The following HABP4 variants were observed in gnomAD, a reference collection of about 807,000 sequenced individuals.
The protein encoded by HABP4 is hyaluronan binding protein 4, also known as intracellular hyaluronan-binding protein 4.
In HABP4, 32 loss-of-function variants were observed where a neutral mutation model predicts 44.1. The ratio of observed to expected loss-of-function variants is 0.73; its 90% CI spans 0.55 to 0.97. HABP4 has a LOEUF of 0.97. Among genes scored for constraint, HABP4 ranks in the 50% least tolerant of loss-of-function variants. HABP4 has a pLI of 0.00. For synonymous variants in HABP4, 216 were observed against 218.0 expected, an observed-to-expected ratio of 0.99 and a Z score of 0.08; for missense variants, 503 against 561.9, an observed-to-expected ratio of 0.90 and a Z score of 1.06.
intron 1 of HABP4, among the ~76,000 whole-genome samples, chr9:96,454,143 C>T (rs973514008): frequency 1.3e-5 from 2 of 151,886 alleles, no homozygotes; most frequent in African/African-American, 2.4e-5. Context: ...CCAAATTTGA[C>T]GCAATTAAAA....
chr9:96,458,655 C>T (rs1314987892), intron 2 of HABP4, 114 bp downstream of exon 2: 1 of 703,438 alleles, frequency 1.4e-6, no homozygotes, highest in Admixed American at 2.9e-5. Context: ...GACAGTTTCG[C>T]TCTTGTCGCC....
chr9:96,464,892 C>G lies in HABP4; in HGVS notation c.513-445C>G, dbSNP rs558471514. On this transcript the variant is annotated intron_variant, in intron 2 of 7. Transcript: ENST00000375249. ...ACCATTTTTCTTACACAAAACATTC[C>G]AAATTTAACTTAAAGATTTGGTATT... is the stretch of plus-strand genomic sequence containing the variant. Among the ~76,000 whole-genome samples the G allele has an allele frequency of 5.3e-5, 8 of 152,246 alleles. No individual in the cohort carries two copies. The East Asian group carries it at 1.5e-3, about 29-fold the overall frequency.
chr9:96,483,098 C>T (rs1222089662), intron 5 of HABP4: 1 of 152,228 alleles, frequency 6.6e-6, no homozygotes, highest in Non-Finnish European at 1.5e-5. Context: ...CACCATTTCA[C>T]ATTCCCACTG....
At chr9:96,476,560 A>G (rs1020312762) in intron 5 of HABP4, among the ~76,000 whole-genome samples, 2 of 152,362 alleles carry the variant, frequency 1.3e-5, no homozygotes, top group Non-Finnish European at 2.9e-5. Context: ...GAATTACTCA[A>G]AAATGGGGGT....
intron 5 of HABP4, among the ~76,000 whole-genome samples, chr9:96,479,314 G>C (rs1832837454): frequency 6.6e-6 from 1 of 151,852 alleles, no homozygotes; most frequent in Non-Finnish European, 1.5e-5. Flanking sequence ...ATGTCGAGGA[G>C]GGAGATGAGT....
Position 96,450,434 on chromosome 9 carries a change from A to G in HABP4, c.155A>G (p.Gln52Arg). The G allele has an allele frequency of 7.4e-7, 1 of 1,348,358 alleles. No individual in the cohort carries two copies. Among genetic ancestry groups the G allele is most frequent in the Non-Finnish European group, 9.7e-7 (1 of 1,033,554 alleles). 83.5% of individuals were successfully genotyped at this position (1,348,358 alleles called of 1,614,324 possible). Reference sequence around the variant, plus strand: ...GAGGCCGAGCGCCGGCGCCAGCAGCAGCTGCAGCGCAAGAGGCGCGACGAG... The same window carrying G: ...GAGGCCGAGCGCCGGCGCCAGCAGCGGCTGCAGCGCAAGAGGCGCGACGAG... ...LREAERRRQQ[Q>R]LQRKRRDEAA... is the part of the protein sequence containing the mutation. Residue 52 changes from glutamine (Q) to arginine (R), a missense_variant, in exon 1 of 8, where the codon CAG (glutamine) becomes CGG (arginine). Transcript: ENST00000375249. This position sits in a 1 kb window ranked among gnomAD's most constrained non-coding sequence, Gnocchi z 4.8.
chr9:96,479,797 C>T (rs1319288939), intron 5 of HABP4, among the ~76,000 whole-genome samples: 1 of 152,166 alleles, frequency 6.6e-6, no homozygotes, highest in African/African-American at 2.4e-5. Flanking sequence ...AGACAGGAGC[C>T]ACCGTGCCCA....
At chr9:96,454,085 G>A (rs1023096214) in intron 1 of HABP4, among the ~76,000 whole-genome samples, 4 of 152,106 alleles carry the variant, frequency 2.6e-5, no homozygotes, top group African/African-American at 9.7e-5. Context: ...GTTGGAAAAG[G>A]CTTTAATATG....
intron 5 of HABP4, among the ~76,000 whole-genome samples, chr9:96,474,135 C>T (rs1314846580): frequency 6.6e-6 from 1 of 152,028 alleles, no homozygotes; most frequent in Non-Finnish European, 1.5e-5. Flanking sequence ...AGTGAAAGGC[C>T]ACAGTGATTG....
chr9:96,478,467 C>A (rs764108382), intron 5 of HABP4, among the ~76,000 whole-genome samples: 44 of 152,118 alleles, frequency 2.9e-4, no homozygotes, highest in Non-Finnish European at 5.7e-4. Flanking sequence ...TATGGATATA[C>A]ACTTTCATTT....
intron 5 of HABP4, among the ~76,000 whole-genome samples, chr9:96,477,681 T>C (rs1832804319): frequency 1.3e-5 from 2 of 152,224 alleles, no homozygotes; most frequent in African/African-American, 4.8e-5. Flanking sequence ...GTTAGTCTCA[T>C]GTCTGTTTTT....
At chr9:96,463,362 C>G (rs1351908242) in intron 2 of HABP4, among the ~76,000 whole-genome samples, 1 of 152,142 alleles carries the variant, frequency 6.6e-6, no homozygotes, top group African/African-American at 2.4e-5. Flanking sequence ...TCAAGCGATT[C>G]TCCTGCTGCA....
chr9:96,478,411 G>A lies in HABP4; in HGVS notation c.828-6051G>A, dbSNP rs146877897. ...CTCCCAAAGTGCTGGGATTACAGGC[G>A]TGAGCCACCGTGCCCGTCCTGAACA... On this transcript the variant is annotated intron_variant, in intron 5 of 7. Transcript: ENST00000375249. Among the ~76,000 whole-genome samples, 5 of 152,254 alleles carry A rather than the reference G, an allele frequency of 3.3e-5. No individual in the cohort carries two copies. In the South Asian group the frequency reaches 8.3e-4, roughly 25 times the overall value.
intron 4 of HABP4, among the ~76,000 whole-genome samples, chr9:96,467,805 C>T (rs546223928): frequency 1.8e-4 from 27 of 152,306 alleles, no homozygotes; most frequent in African/African-American, 3.1e-4. Context: ...GGATTACAGG[C>T]GTGAGCTACC....
At chr9:96,477,921 C>G (rs889896086) in intron 5 of HABP4, among the ~76,000 whole-genome samples, 8 of 152,164 alleles carry the variant, frequency 5.3e-5, no homozygotes, top group African/African-American at 1.9e-4. Context: ...GATTAGTTTG[C>G]AGTTGCTATA....
intron 4 of HABP4, among the ~76,000 whole-genome samples, chr9:96,469,231 T>G (rs1832654836): frequency 6.6e-6 from 1 of 152,204 alleles, no homozygotes; most frequent in Non-Finnish European, 1.5e-5. Context: ...AAAATTGGAG[T>G]AGACACCCAT....
At chr9:96,467,404 A>G (rs768409147) in intron 4 of HABP4, among the ~76,000 whole-genome samples, 11 of 152,088 alleles carry the variant, frequency 7.2e-5, no homozygotes, top group Non-Finnish European at 1.5e-5. Context: ...GATCTTGATG[A>G]CAGATCTTTT....
At chr9:96,477,625 G>A (rs1379619755) in intron 5 of HABP4, among the ~76,000 whole-genome samples, 1 of 151,954 alleles carries the variant, frequency 6.6e-6, no homozygotes, top group African/African-American at 2.4e-5. Context: ...TTTTTAAAAA[G>A]ATAATTTATT....
chr9:96,489,938 G>C (rs2131168034), intron 7 of HABP4, 44 bp from the exon 8 acceptor site: 1 of 1,200,384 alleles, frequency 8.3e-7, no homozygotes, highest in East Asian at 2.3e-5. Flanking sequence ...ATCGGGAATG[G>C]ATGAAGGGGC....
Sources: gnomAD v4.1 joint callset for allele counts (sites outside exome capture counted in the v4.1 genomes callset) on GRCh38, gnomAD v4.1.1 for gene constraint, Gnocchi (gnomAD v3.1) non-coding constraint, MANE v1.5 for transcripts, NCBI Gene and HGNC (gene_info 2026-07-23, HGNC 2026-07-21) for gene names.